P2RX3: variants seen among roughly 807,000 people sequenced by gnomAD.
P2RX3 encodes P2X purinoceptor 3.
P2RX3 carries 41 observed loss-of-function variants against 51.5 expected under a neutral mutation model. The ratio of observed to expected loss-of-function variants is 0.80; its 90% CI spans 0.62 to 1.03. The LOEUF is 1.03. P2RX3 is among the 50% of genes least tolerant of loss of function. P2RX3 has a pLI of 0.00. For missense variants in P2RX3, 459 were observed against 522.1 expected (o/e 0.88, Z 1.18); for synonymous variants, 185 against 191.6 (o/e 0.97, Z 0.29).
At chr11:57,360,346 T>C (rs1284968610) in intron 8 of P2RX3, among the ~76,000 whole-genome samples, 3 of 152,074 alleles carry the variant, frequency 2.0e-5, no homozygotes, top group Non-Finnish European at 4.4e-5. Context: ...ATCAGGAGCA[T>C]TTGGAGAAAC....
chr11:57,368,290 C>T, intron 9 of P2RX3, 82 bp from the exon 10 acceptor site: 1 of 1,497,362 alleles, frequency 6.7e-7, no homozygotes, highest in Non-Finnish European at 9.3e-7. Flanking sequence ...ACCAAGAACC[C>T]TTCTGGCGCC....
intron 8 of P2RX3, among the ~76,000 whole-genome samples, chr11:57,362,999 G>T (rs4939140): frequency 0.34 from 51,632 of 151,978 alleles, 10,529 homozygotes; most frequent in East Asian, 0.65. Context: ...TTTTAAGCAC[G>T]GACTATATAT....
chr11:57,358,280 C>T (rs1856661149), intron 8 of P2RX3, among the ~76,000 whole-genome samples: 1 of 152,042 alleles, frequency 6.6e-6, no homozygotes, highest in Admixed American at 6.6e-5. Context: ...GCAGGGAAAC[C>T]CTTTGTAGAT....
chr11:57,354,689 ATTTG>A (rs1178481820), intron 8 of P2RX3, among the ~76,000 whole-genome samples: 2 of 151,864 alleles, frequency 1.3e-5, no homozygotes, highest in Non-Finnish European at 2.9e-5. Context: ...GAGTGGGTGT[ATTTG>A]TTAGTGGGTG....
At chr11:57,351,635 A>T (rs1362162925) in intron 8 of P2RX3, among the ~76,000 whole-genome samples, 1 of 152,216 alleles carries the variant, frequency 6.6e-6, no homozygotes, top group Non-Finnish European at 1.5e-5. Context: ...TACCACTGTG[A>T]TCTTCAGGAT....
chr11:57,340,029 A>G (rs1216837229), intron 1 of P2RX3, among the ~76,000 whole-genome samples: 1 of 152,194 alleles, frequency 6.6e-6, no homozygotes, highest in Non-Finnish European at 1.5e-5. Flanking sequence ...TTCCCTTCCA[A>G]TGTTGAGGTT....
chr11:57,354,607 T>C (rs1170794766), intron 8 of P2RX3, among the ~76,000 whole-genome samples: 1 of 152,062 alleles, frequency 6.6e-6, no homozygotes, highest in Non-Finnish European at 1.5e-5. Flanking sequence ...AAGAGTACTA[T>C]ATTTCCCAAA....
rs376233059 is a variant in P2RX3 at position 57,348,223 on chromosome 11, A to G, written c.445A>G (p.Ile149Val). 6.2e-7 allele frequency: 1 copy of G among 1,604,094 alleles called. No individual in the cohort carries two copies. Among genetic ancestry groups the G allele is most frequent in the Non-Finnish European group, 8.5e-7 (1 of 1,175,826 alleles). ...CAGCTCTGTGCTCCGGACCTGTGAGATCCAGGGCTGGTGCCCCACGGAGGT... is the reference window on the plus strand; with the variant it reads ...CAGCTCTGTGCTCCGGACCTGTGAGGTCCAGGGCTGGTGCCCCACGGAGGT... ...NYSSVLRTCE[I>V]QGWCPTEVDT... is the part of the protein sequence containing the mutation. Residue 149 changes from isoleucine (I) to valine (V), a missense_variant, in exon 5 of 12, where the codon ATC becomes GTC. Physicochemically the swap from Ile to Val is conservative, Grantham distance 29 (BLOSUM62 3). Coordinates refer to ENST00000263314, the MANE Select transcript of P2RX3 (RefSeq NM_002559.5).
rs181564340 is a variant in P2RX3, at chr11:57,352,202, C to G, written c.842+1304C>G. Among the ~76,000 whole-genome samples the G allele has an allele frequency of 4.0e-3, 606 of 152,106 alleles. 5 individuals are homozygous for G. Among genetic ancestry groups the G allele is most frequent in the African/African-American group, 0.013 (558 of 41,496 alleles). ...ACCTTTTAAAATTGTTAATTTATAA[C>G]TTAAAAAAATAATCACCCACCCCAT... On this transcript the variant is annotated intron_variant, in intron 8 of 11. Coordinates refer to ENST00000263314, the MANE Select transcript of P2RX3 (RefSeq NM_002559.5).
At chr11:57,349,670 G>A in intron 6 of P2RX3, 87 bp from the exon 7 acceptor site, 1 of 1,548,082 alleles carries the variant, frequency 6.5e-7, no homozygotes, top group Admixed American at 1.7e-5. Flanking sequence ...ATCCCCCCTA[G>A]GCCTGGGCTC....
intron 8 of P2RX3, among the ~76,000 whole-genome samples, chr11:57,365,667 T>A (rs1276977340): frequency 6.6e-6 from 1 of 152,140 alleles, no homozygotes; most frequent in East Asian, 1.9e-4. Flanking sequence ...CTTATAGACA[T>A]GGAAATGGAC....
At chr11:57,348,786 C>A in intron 6 of P2RX3, 82 bp downstream of exon 6, 1 of 969,924 alleles carries the variant, frequency 1.0e-6, no homozygotes. Flanking sequence ...TGGAGATGCC[C>A]CCTCGCCACA....
chr11:57,368,328 C>A, intron 9 of P2RX3, 44 bp from the exon 10 acceptor site: 2 of 1,606,622 alleles, frequency 1.2e-6, no homozygotes, highest in Non-Finnish European at 1.7e-6. Context: ...TCACCCCCAT[C>A]CCATGGGCCC....
At chr11:57,368,897 C>T (rs1191134756) in intron 10 of P2RX3, among the ~76,000 whole-genome samples, 1 of 152,154 alleles carries the variant, frequency 6.6e-6, no homozygotes, top group African/African-American at 2.4e-5. Flanking sequence ...AGCCCTGAAA[C>T]ATCCTGCAAA....
At chr11:57,348,583 CCT>C in intron 5 of P2RX3, 42 bp from the exon 6 acceptor site, 2 of 1,530,100 alleles carry the variant, frequency 1.3e-6, no homozygotes, top group Non-Finnish European at 1.8e-6. Context: ...TTCATTTCCC[CCT>C]CTTCTTCCTG....
At chr11:57,348,973 T>C (rs1259483900) in intron 6 of P2RX3, among the ~76,000 whole-genome samples, 1 of 152,206 alleles carries the variant, frequency 6.6e-6, no homozygotes, top group Non-Finnish European at 1.5e-5. Flanking sequence ...AGGGACAACT[T>C]AGGCCTAGTC....
intron 11 of P2RX3, among the ~76,000 whole-genome samples, 183 bp downstream of exon 11, chr11:57,369,621 G>T (rs1037466177): frequency 5.3e-5 from 8 of 152,098 alleles, no homozygotes; most frequent in African/African-American, 1.9e-4. Context: ...GAATCTTGGG[G>T]GTTCTGTGGG....
intron 10 of P2RX3, among the ~76,000 whole-genome samples, chr11:57,368,692 G>C (rs1167444489): frequency 2.6e-5 from 4 of 152,154 alleles, no homozygotes. Flanking sequence ...ACCTGTTATA[G>C]AGTTCCCGTT....
chr11:57,348,164 C>A lies in P2RX3; in HGVS notation c.392-6C>A. On this transcript the variant is annotated splice_region_variant and splice_polypyrimidine_tract_variant and intron_variant, in intron 4 of 11. Coordinates refer to ENST00000263314, the MANE Select transcript of P2RX3 (RefSeq NM_002559.5). ...AGCCACCCAGCAGCTGTGGCTCTCA[C>A]TTTAGGGATCCTCACTGGCCGCTGC... is the stretch of plus-strand genomic sequence containing the variant. 1 of 1,575,512 alleles carries A rather than the reference C, an allele frequency of 6.3e-7. No homozygotes were observed. Among genetic ancestry groups the A allele is most frequent in the South Asian group, 1.2e-5 (1 of 85,796 alleles).
Sources: gnomAD v4.1 joint callset for allele counts (sites outside exome capture counted in the v4.1 genomes callset) on GRCh38, gnomAD v4.1.1 for gene constraint, MANE v1.5 for transcripts, NCBI Gene and HGNC (gene_info 2026-07-23, HGNC 2026-07-21) for gene names.